Variants in DST observed in about 807,000 individuals in gnomAD.
DST encodes bullous pemphigoid antigen.
In DST, 253 loss-of-function variants were observed where a neutral mutation model predicts 875.2. That is an observed-to-expected ratio of 0.29 (90% CI 0.26 to 0.32). The LOEUF (loss-of-function observed/expected upper bound fraction) is 0.32. DST is among the 10% of genes least tolerant of loss of function. DST has a pLI of 1.00. For synonymous variants in DST, 3,124 were observed against 3,197.1 expected (o/e 0.98, Z 0.77); for missense variants, 8,287 against 9,111.6 (o/e 0.91, Z 3.68).
intron 69 of DST, among the ~76,000 whole-genome samples, chr6:56,518,952 A>G (rs1237800157): frequency 1.3e-5 from 2 of 152,148 alleles, no homozygotes; most frequent in African/African-American, 4.8e-5. Flanking sequence ...CACTATGCCA[A>G]CTCATGGGAA....
intron 4 of DST, among the ~76,000 whole-genome samples, chr6:56,792,690 G>A (rs1032149967): frequency 3.9e-5 from 6 of 152,160 alleles, no homozygotes; most frequent in African/African-American, 1.4e-4. Context: ...TATCACTGCT[G>A]TAATAATTTT....
At chr6:56,533,392 T>G (rs1198425424) in intron 63 of DST, among the ~76,000 whole-genome samples, 1 of 152,190 alleles carries the variant, frequency 6.6e-6, no homozygotes, top group East Asian at 1.9e-4. Context: ...TGATCCTGAC[T>G]GCTAATTAAG....
rs1181677928 is a variant in DST, at chr6:56,626,997, G to T, written c.4722+207C>A. Among the ~76,000 whole-genome samples, 4 of 152,202 alleles carry T rather than the reference G, an allele frequency of 2.6e-5. No individual in the cohort carries two copies. The South Asian group carries it at 8.3e-4, about 32-fold the overall frequency. The stretch of plus-strand genomic sequence containing the variant: ...TATTCTGGTGGCTGGGAGTGGCAGG[G>T]GTGTACATATGTGAGAGAGAAGAAG... On this transcript the variant is annotated intron_variant, in intron 34 of 103. Coordinates refer to ENST00000680361, the MANE Select transcript of DST (RefSeq NM_001374736.1).
At chr6:56,638,380 C>T (rs748759669) in intron 22 of DST, among the ~76,000 whole-genome samples, 4 of 152,098 alleles carry the variant, frequency 2.6e-5, no homozygotes, top group Non-Finnish European at 4.4e-5. Flanking sequence ...AAAGATCATA[C>T]ATAACATCCC....
intron 10 of DST, among the ~76,000 whole-genome samples, chr6:56,657,235 T>A (rs1251657266): frequency 6.6e-6 from 1 of 152,160 alleles, no homozygotes; most frequent in Non-Finnish European, 1.5e-5. Context: ...AACATGCTAC[T>A]GCCTTATGCC....
At position 56,598,410 on chromosome 6, in the gene DST, T is replaced by C. The variant is rs983581812; in HGVS notation, c.11928+66A>G. 1.9e-5 allele frequency: 18 copies of C among 940,810 alleles called. No individual in the cohort carries two copies. The Admixed American group carries it at 2.7e-4, about 14-fold the overall frequency. 58.3% of individuals were successfully genotyped at this position (940,810 alleles called of 1,614,324 possible). ...CTTATTTACTACCACTGGATATTAA[T>C]AATAAATCAAGTAGCTGTTAAGCTT... On this transcript the variant is annotated intron_variant, in intron 46 of 103. Transcript: ENST00000680361.
intron 4 of DST, among the ~76,000 whole-genome samples, chr6:56,833,914 TAA>T (rs879869200): frequency 7.2e-6 from 1 of 138,076 alleles, no homozygotes; most frequent in Admixed American, 7.2e-5. Flanking sequence ...AACTCAACAA[TAA>T]AAAAAAAAAA....
chr6:56,646,963 T>C (rs2098946411), intron 13 of DST, among the ~76,000 whole-genome samples: 1 of 152,186 alleles, frequency 6.6e-6, no homozygotes, highest in South Asian at 2.1e-4. Context: ...AGGATTCCAT[T>C]CAAAGTTCTG....
chr6:56,567,531 T>C (rs2097700668), intron 55 of DST, among the ~76,000 whole-genome samples: 1 of 142,774 alleles, frequency 7.0e-6, no homozygotes, highest in Admixed American at 6.9e-5. Flanking sequence ...CTAAAATAAA[T>C]AAAGCACAGT....
intron 3 of DST, chr6:56,861,950 C>G (rs1348137389): frequency 1.3e-5 from 2 of 152,146 alleles, no homozygotes; most frequent in Non-Finnish European, 2.9e-5. Context: ...ACACCTCTTA[C>G]CCCAGAGTGT....
chr6:56,514,613 C>CACA (rs1562489040), intron 72 of DST, among the ~76,000 whole-genome samples: 3 of 90,592 alleles, frequency 3.3e-5, no homozygotes, highest in South Asian at 4.1e-4. Flanking sequence ...ACACACACAC[C>CACA]CCCTCATGCG....
In DST at chr6:56,605,282, G is replaced by A. The variant is rs1367674779; in HGVS notation, c.9346C>T (p.Leu3116Phe). The change falls in exon 40 of 104, where the codon CTT becomes TTT. Residue 3116 changes from leucine (L) to phenylalanine (F), a missense_variant. Physicochemically the swap from Leu to Phe is conservative, Grantham distance 22. Coordinates refer to ENST00000680361, the MANE Select transcript of DST (RefSeq NM_001374736.1). ...KGSLKKATVT[L>F]KDEPNNLQII... ...TGTAGATTATTTGGTTCATCTTTAA[G>A]AGTTACAGTTGCTTTTTTAAGGCTT... 2 of 1,611,052 alleles carry A rather than the reference G, an allele frequency of 1.2e-6. No individual in the cohort carries two copies. Among genetic ancestry groups the A allele is most frequent in the East Asian group, 4.5e-5 (2 of 44,788 alleles).
intron 36 of DST, chr6:56,616,066 A>G (rs1049917392): frequency 6.2e-7 from 1 of 1,614,082 alleles, no homozygotes; most frequent in Admixed American, 1.7e-5. Flanking sequence ...CCAAATTTCT[A>G]CGGGAGGCTT....
chr6:56,747,166 G>T lies in DST; in HGVS notation c.626-11877C>A, dbSNP rs577179829. 2.6e-5 allele frequency among the ~76,000 whole-genome samples: 4 copies of T among 152,288 alleles called. No homozygotes were observed. In the South Asian group the frequency reaches 8.3e-4, roughly 32 times the overall value. ...TTAATTGCCACAGAACAAAACAAAT[G>T]GTTTTGTCAGCATTTGTCATGAATC... On this transcript the variant is annotated intron_variant, in intron 4 of 103. Transcript: ENST00000680361.
chr6:56,546,298 G>A (rs2097218188), intron 61 of DST, among the ~76,000 whole-genome samples: 2 of 137,970 alleles, frequency 1.4e-5, no homozygotes, highest in South Asian at 4.6e-4. Flanking sequence ...CTATGTAACA[G>A]AAGATGATTC....
At chr6:56,846,392 C>A (rs1210319639) in intron 4 of DST, among the ~76,000 whole-genome samples, 1 of 152,198 alleles carries the variant, frequency 6.6e-6, no homozygotes, top group African/African-American at 2.4e-5. Context: ...CTCCTTTGAT[C>A]CTTCAATTCC....
chr6:56,836,692 T>C (rs1002328886), intron 4 of DST, among the ~76,000 whole-genome samples: 1 of 150,612 alleles, frequency 6.6e-6, no homozygotes, highest in Non-Finnish European at 1.5e-5. Flanking sequence ...CTACTAAAAA[T>C]ACAAAAAAAT....
At chr6:56,681,780 C>T (rs1305340856) in intron 9 of DST, among the ~76,000 whole-genome samples, 1 of 152,118 alleles carries the variant, frequency 6.6e-6, no homozygotes, top group Non-Finnish European at 1.5e-5. Flanking sequence ...AGTTGGACAC[C>T]TTGAAAATCT....
At chr6:56,744,989 C>G (rs1030299978) in intron 4 of DST, among the ~76,000 whole-genome samples, 3 of 152,134 alleles carry the variant, frequency 2.0e-5, no homozygotes, top group Non-Finnish European at 4.4e-5. Context: ...CTTTCATCCA[C>G]TCATCTGTGA....
Sources: gnomAD v4.1 joint callset for allele counts (sites outside exome capture counted in the v4.1 genomes callset) on GRCh38, gnomAD v4.1.1 for gene constraint, MANE v1.5 for transcripts, NCBI Gene and HGNC (gene_info 2026-07-23, HGNC 2026-07-21) for gene names.